CEP89: variants seen among roughly 807,000 people sequenced by gnomAD.
CEP89 encodes the protein centrosomal protein 89.
In CEP89, 95 loss-of-function variants were observed where a neutral mutation model predicts 97.6. The ratio of observed to expected loss-of-function variants is 0.97; its 90% CI spans 0.82 to 1.15. The LOEUF (loss-of-function observed/expected upper bound fraction) is 1.15, where lower values mean the gene tolerates loss of function less well. Among genes scored for constraint, CEP89 ranks in the 50% most tolerant of loss-of-function variants. The pLI, the probability that CEP89 is intolerant of heterozygous loss-of-function variation, is 0.00. For synonymous variants in CEP89, 354 were observed against 349.1 expected (o/e 1.01, Z -0.16); for missense variants, 869 against 947.7 (o/e 0.92, Z 1.09).
In CEP89 at chr19:32,967,277, G is replaced by A. The variant is rs118001546; in HGVS notation, c.40-811C>T. 1.4e-3 allele frequency among the ~76,000 whole-genome samples: 216 copies of A among 152,240 alleles called. 1 individual carries two copies. Among genetic ancestry groups the A allele is most frequent in the East Asian group, 7.3e-3 (38 of 5,176 alleles). On this transcript the variant is annotated intron_variant, in intron 1 of 18. Coordinates refer to ENST00000305768, the MANE Select transcript of CEP89 (RefSeq NM_032816.5). Reference sequence around the variant, plus strand: ...TACACAATGAAAGTCAGAGAGCTCCGCTTTAGGTAACTGTAACTGGGAGTC... The same window carrying A: ...TACACAATGAAAGTCAGAGAGCTCCACTTTAGGTAACTGTAACTGGGAGTC...
At chr19:32,911,094 G>A (rs1174935385) in intron 14 of CEP89, among the ~76,000 whole-genome samples, 1 of 152,192 alleles carries the variant, frequency 6.6e-6, no homozygotes, top group African/African-American at 2.4e-5. Context: ...ACAAACACGA[G>A]AGTAATGCAT....
intron 13 of CEP89, 107 bp from the exon 14 acceptor site, chr19:32,915,624 T>G (rs913140009): frequency 1.9e-6 from 2 of 1,049,678 alleles, no homozygotes; most frequent in Non-Finnish European, 2.8e-6. Context: ...AAAATGACCT[T>G]TTAAAGATCT....
intron 3 of CEP89, among the ~76,000 whole-genome samples, chr19:32,958,339 A>C (rs1034835055): frequency 1.3e-5 from 2 of 152,212 alleles, no homozygotes; most frequent in African/African-American, 2.4e-5. Flanking sequence ...ATGTAAAGAA[A>C]AAATGGATAG....
At chr19:32,960,542 G>A (rs1010741726) in intron 2 of CEP89, among the ~76,000 whole-genome samples, 6 of 152,186 alleles carry the variant, frequency 3.9e-5, no homozygotes, top group Admixed American at 1.3e-4. Context: ...AGGCGCGGTG[G>A]CTCATGCTTA....
At chr19:32,902,479 C>T (rs928309468) in intron 14 of CEP89, among the ~76,000 whole-genome samples, 2 of 152,184 alleles carry the variant, frequency 1.3e-5, no homozygotes, top group Non-Finnish European at 2.9e-5. Context: ...AAGACTTCTG[C>T]TTTCAGCCAA....
At chr19:32,892,801 C>T (rs902031961) in intron 16 of CEP89, among the ~76,000 whole-genome samples, 2 of 151,854 alleles carry the variant, frequency 1.3e-5, no homozygotes, top group Non-Finnish European at 2.9e-5. Context: ...CACCACTAGA[C>T]CCATCCTACA....
At chr19:32,950,817 C>T (rs1001739997) in intron 4 of CEP89, among the ~76,000 whole-genome samples, 14 of 152,132 alleles carry the variant, frequency 9.2e-5, no homozygotes, top group Non-Finnish European at 1.5e-5. Context: ...CTGAGTGGCA[C>T]GGTTGTACAG....
At chr19:32,881,485 G>A (rs866142565) in intron 18 of CEP89, among the ~76,000 whole-genome samples, 12 of 149,592 alleles carry the variant, frequency 8.0e-5, no homozygotes, top group African/African-American at 1.5e-4. Flanking sequence ...AGCCGAGATC[G>A]TGCCACTGCA....
At chr19:32,934,346 A>G (rs1411863497) in intron 7 of CEP89, among the ~76,000 whole-genome samples, 2 of 152,230 alleles carry the variant, frequency 1.3e-5, no homozygotes, top group African/African-American at 4.8e-5. Context: ...CAGCACCTGA[A>G]GGCACCAGGG....
intron 16 of CEP89, among the ~76,000 whole-genome samples, chr19:32,899,607 T>G (rs909398499): frequency 6.6e-6 from 1 of 152,174 alleles, no homozygotes; most frequent in South Asian, 2.1e-4. Flanking sequence ...AGCTTTATAA[T>G]GGTGTAAAAG....
intron 16 of CEP89, among the ~76,000 whole-genome samples, chr19:32,890,674 TC>T (rs1303962483): frequency 6.6e-6 from 1 of 151,732 alleles, no homozygotes; most frequent in Non-Finnish European, 1.5e-5. Context: ...GGGTGAGAGA[TC>T]CCCAGGGGTC....
chr19:32,969,913 G>A (rs368123660), intron 1 of CEP89: 29 of 152,354 alleles, frequency 1.9e-4, no homozygotes, highest in African/African-American at 5.8e-4. Context: ...AGCGGTTTGC[G>A]GCTCCAGTCC....
In CEP89 at chr19:32,927,131, C is replaced by CCCATCCAT. The variant is rs75760372; in HGVS notation, c.1030-155_1030-148dup. 6.1e-3 allele frequency: 3,627 copies of CCCATCCAT among 598,370 alleles called. 20 individuals carry two copies. Among genetic ancestry groups the CCCATCCAT allele is most frequent in the South Asian group, 8.8e-3 (437 of 49,686 alleles). 37.1% of individuals were successfully genotyped at this position (598,370 alleles called of 1,614,324 possible). ...GCCTACCCACCCACCTACCCACCTACCCATCCATCCATCCATCCATCCATC... is the reference window on the plus strand; with the variant it reads ...GCCTACCCACCCACCTACCCACCTACCCATCCATCCATCCATCCATCCATCCATCCATC... On this transcript the variant is annotated intron_variant, in intron 9 of 18. Coordinates refer to ENST00000305768, the MANE Select transcript of CEP89 (RefSeq NM_032816.5).
chr19:32,901,438 C>G (rs1054203029), intron 14 of CEP89, 26 bp from the exon 15 acceptor site: 1 of 1,604,780 alleles, frequency 6.2e-7, no homozygotes, highest in Non-Finnish European at 8.5e-7. Flanking sequence ...ATTACATGCT[C>G]GTATCCAGCA....
intron 1 of CEP89, among the ~76,000 whole-genome samples, chr19:32,967,867 TG>T (rs1235411648): frequency 3.9e-5 from 6 of 152,118 alleles, no homozygotes; most frequent in African/African-American, 1.4e-4. Context: ...CTTGGGGGCA[TG>T]GTGGGGACAA....
intron 3 of CEP89, among the ~76,000 whole-genome samples, chr19:32,956,386 T>C (rs1971050175): frequency 1.3e-5 from 2 of 151,670 alleles, no homozygotes; most frequent in Admixed American, 6.6e-5. Flanking sequence ...GTTTTTTTTT[T>C]TGAGACAGGG....
chr19:32,954,813 C>T lies in CEP89; in HGVS notation c.306-1012G>A, dbSNP rs149957610. On this transcript the variant is annotated intron_variant, in intron 3 of 18. Transcript: ENST00000305768. ...CTGAGTAGCTGGGATTACAGGCACT[C>T]GCCACCACACCTGGCTAATTTTTCT... Among the ~76,000 whole-genome samples the T allele has an allele frequency of 4.5e-3, 571 of 128,054 alleles. 5 individuals carry two copies. The highest frequency in any genetic ancestry group is 0.014 in the African/African-American group (541 of 38,728). The allele number at this position is 128,054 out of a possible 152,430, so 84.0% of individuals were successfully genotyped here.
chr19:32,953,770 A>G lies in CEP89; in HGVS notation c.337T>C (p.Ser113Pro), dbSNP rs1568578652. 1 of 1,613,970 alleles carries G rather than the reference A, an allele frequency of 6.2e-7. No homozygotes were observed. The highest frequency in any genetic ancestry group is 1.1e-5 in the South Asian group (1 of 91,078). The change falls in exon 4 of 19, where the codon TCT (serine) becomes CCT (proline). Residue 113 changes from serine (S) to proline (P), a missense_variant. Ser to Pro is a moderately conservative substitution (Grantham distance 74, BLOSUM62 -1). Transcript: ENST00000305768. ...PNWQSEMGRRSSLPSFETLDY... is the reference protein window; with the variant it reads ...PNWQSEMGRRPSLPSFETLDY... ...AGTGTTTCAAAGGATGGCAAAGAAGATCTTCTTCCCATCTCACTCTGCCAA... is the reference window on the plus strand; with the variant it reads ...AGTGTTTCAAAGGATGGCAAAGAAGGTCTTCTTCCCATCTCACTCTGCCAA...
intron 17 of CEP89, among the ~76,000 whole-genome samples, chr19:32,885,182 T>C (rs61213949): frequency 0.027 from 4,105 of 152,338 alleles, 193 homozygotes; most frequent in African/African-American, 0.094. Flanking sequence ...TCCTTGGTTG[T>C]ATTATTACTA....
Sources: gnomAD v4.1 joint callset for allele counts (sites outside exome capture counted in the v4.1 genomes callset) on GRCh38, gnomAD v4.1.1 for gene constraint, MANE v1.5 for transcripts, NCBI Gene and HGNC (gene_info 2026-07-23, HGNC 2026-07-21) for gene names.